Variants in CCDC93 observed in about 807,000 individuals in gnomAD.
CCDC93 encodes the protein coiled-coil domain-containing protein 93.
In CCDC93, 61 loss-of-function variants were observed where a neutral mutation model predicts 108.2. The observed-to-expected ratio is 0.56, with a 90% CI of 0.46 to 0.70. The LOEUF is 0.70. CCDC93 is among the 30% of genes least tolerant of loss of function. CCDC93 has a pLI of 0.00. For missense variants in CCDC93, 685 were observed against 764.2 expected (o/e 0.90, Z 1.22); for synonymous variants, 276 against 260.4 (o/e 1.06, Z -0.58).
chr2:117,948,953 G>GT (rs1678963444), intron 14 of CCDC93, among the ~76,000 whole-genome samples: 1 of 152,216 alleles, frequency 6.6e-6, no homozygotes, highest in Non-Finnish European at 1.5e-5. Context: ...TTAAAAACTT[G>GT]TAACAATAGT....
At chr2:117,970,761 G>C (rs150581525) in intron 11 of CCDC93, among the ~76,000 whole-genome samples, 22 of 152,196 alleles carry the variant, frequency 1.4e-4, no homozygotes, top group Non-Finnish European at 1.5e-5. Context: ...CCTCTCAGTG[G>C]TCTACAGAGC....
chr2:117,952,538 TG>T, intron 12 of CCDC93, 103 bp from the exon 13 acceptor site: 1 of 845,062 alleles, frequency 1.2e-6, no homozygotes, highest in African/African-American at 1.7e-5. Flanking sequence ...AGATTTAAAC[TG>T]AGCAAATGTG....
intron 12 of CCDC93, among the ~76,000 whole-genome samples, chr2:117,957,503 T>G (rs1257660331): frequency 6.6e-6 from 1 of 152,186 alleles, no homozygotes; most frequent in Admixed American, 6.5e-5. Context: ...TGTCCCTGAA[T>G]TCCTTCTCAC....
chr2:117,952,584 A>G (rs752492387), intron 12 of CCDC93, 149 bp from the exon 13 acceptor site: 6 of 634,476 alleles, frequency 9.5e-6, no homozygotes, highest in East Asian at 5.5e-5. Flanking sequence ...ACAAATGAAG[A>G]AAAAAACCTC....
chr2:117,948,464 T>TACC (rs765049935), intron 14 of CCDC93, among the ~76,000 whole-genome samples: 4 of 152,250 alleles, frequency 2.6e-5, no homozygotes, highest in Non-Finnish European at 5.9e-5. Flanking sequence ...GTTTCAATAG[T>TACC]ACCAGGTATA....
At chr2:117,933,747 C>G (rs895123655) in intron 22 of CCDC93, among the ~76,000 whole-genome samples, 9 of 151,724 alleles carry the variant, frequency 5.9e-5, no homozygotes, top group African/African-American at 1.9e-4. Context: ...CACATCCATC[C>G]AAGTGACTGC....
intron 12 of CCDC93, 100 bp downstream of exon 12, chr2:117,958,265 C>A: frequency 2.8e-6 from 2 of 719,968 alleles, no homozygotes; most frequent in Non-Finnish European, 5.0e-6. Context: ...GGCAACTGGA[C>A]TGGCCCAAGC....
chr2:117,927,310 G>C (rs1481656487), intron 23 of CCDC93, among the ~76,000 whole-genome samples: 2 of 152,100 alleles, frequency 1.3e-5, no homozygotes, highest in African/African-American at 4.8e-5. Context: ...TATTCAATTA[G>C]GAAAAGAAGA....
At chr2:118,004,595 G>GT (rs1302790463) in intron 3 of CCDC93, among the ~76,000 whole-genome samples, 1 of 152,186 alleles carries the variant, frequency 6.6e-6, no homozygotes, top group Non-Finnish European at 1.5e-5. Context: ...TGGTGGGGGG[G>GT]AACACCAAAC....
chr2:117,946,833 C>G lies in CCDC93; in HGVS notation c.1274G>C (p.Arg425Thr). The G allele has an allele frequency of 1.2e-6, 2 of 1,613,494 alleles. No homozygotes were observed. The highest frequency in any genetic ancestry group is 1.6e-4 in the Middle Eastern group (1 of 6,062). The change falls in exon 16 of 24, where the codon AGA becomes ACA. Residue 425 changes from arginine to threonine, a missense_variant. By Grantham distance (71) the Arg-to-Thr change is moderately conservative. Transcript: ENST00000376300. The stretch of plus-strand genomic sequence containing the variant: ...TACCTTTTCATCTCCACGTGGTGCT[C>G]TCTCAGCTTTCAGGTTTTCAATTTC... ...QQEIENLKAE[R>T]APRGDEKTLS...
In CCDC93 at chr2:117,927,933, C is replaced by T. The variant is rs186253241; in HGVS notation, c.1842+3104G>A. On this transcript the variant is annotated intron_variant, in intron 23 of 23. Transcript: ENST00000376300. ...AGAGATATAGACCAATGGAACAGAACAGAGCCCTCAGAAATAATGCCGCAC... is the reference window on the plus strand; with the variant it reads ...AGAGATATAGACCAATGGAACAGAATAGAGCCCTCAGAAATAATGCCGCAC... Among the ~76,000 whole-genome samples, 847 of 152,200 alleles carry T rather than the reference C, an allele frequency of 5.6e-3. 8 individuals carry two copies. The highest frequency in any genetic ancestry group is 0.019 in the African/African-American group (809 of 41,508).
chr2:117,967,713 C>T (rs982555860), intron 11 of CCDC93, among the ~76,000 whole-genome samples: 10 of 152,324 alleles, frequency 6.6e-5, no homozygotes, highest in African/African-American at 9.6e-5. Context: ...CACATAATCT[C>T]GTTTCTTTGC....
intron 23 of CCDC93, among the ~76,000 whole-genome samples, chr2:117,927,923 T>A (rs1206258316): frequency 6.6e-6 from 1 of 152,056 alleles, no homozygotes; most frequent in African/African-American, 2.4e-5. Flanking sequence ...TATAGACCAA[T>A]GGAACAGAAC....
chr2:117,949,898 G>A (rs963180486), intron 13 of CCDC93: 2 of 985,306 alleles, frequency 2.0e-6, no homozygotes, highest in Non-Finnish European at 2.4e-6. Context: ...AAGCTGTGTG[G>A]AGTTAGCAGA....
At chr2:117,944,617 A>G (rs1259615560) in intron 17 of CCDC93, 4 of 417,374 alleles carry the variant, frequency 9.6e-6, no homozygotes, top group African/African-American at 6.2e-5. Context: ...TGGATGAGAC[A>G]TGGTAAGAGA....
At chr2:117,979,341 T>C (rs933908519) in intron 7 of CCDC93, among the ~76,000 whole-genome samples, 2 of 152,072 alleles carry the variant, frequency 1.3e-5, no homozygotes, top group African/African-American at 4.8e-5. Flanking sequence ...TGTTCCCCTC[T>C]CGCCCCTGCT....
chr2:117,977,546 G>A (rs929028779), intron 8 of CCDC93, among the ~76,000 whole-genome samples: 25 of 152,334 alleles, frequency 1.6e-4, no homozygotes, highest in African/African-American at 4.6e-4. Context: ...CATCCTTTGT[G>A]AAGTTAGAAA....
intron 18 of CCDC93, among the ~76,000 whole-genome samples, 158 bp from the exon 19 acceptor site, chr2:117,941,455 A>G (rs1309062949): frequency 6.6e-6 from 1 of 151,990 alleles, no homozygotes; most frequent in African/African-American, 2.4e-5. Context: ...TCCCCATCTC[A>G]GATTTGGATT....
chr2:117,960,409 G>C (rs1679349905), intron 11 of CCDC93, among the ~76,000 whole-genome samples: 1 of 152,210 alleles, frequency 6.6e-6, no homozygotes, highest in Non-Finnish European at 1.5e-5. Context: ...TGTGGGGGCT[G>C]AGTAAACTCA....
Sources: gnomAD v4.1 joint callset for allele counts (sites outside exome capture counted in the v4.1 genomes callset) on GRCh38, gnomAD v4.1.1 for gene constraint, MANE v1.5 for transcripts, NCBI Gene and HGNC (gene_info 2026-07-23, HGNC 2026-07-21) for gene names.